The following GUCY1A2 variants were observed in gnomAD, a reference collection of about 807,000 sequenced individuals.
The protein encoded by GUCY1A2 is guanylate cyclase soluble subunit alpha-2.
Under a neutral mutation model 63.5 loss-of-function variants are expected in GUCY1A2, and 27 were observed. That is an observed-to-expected ratio of 0.43 (90% CI 0.31 to 0.59). GUCY1A2 has a LOEUF of 0.59. Among genes scored for constraint, GUCY1A2 ranks in the 20% least tolerant of loss-of-function variants. GUCY1A2 has a pLI of 0.11. For synonymous variants in GUCY1A2, 364 were observed against 343.5 expected, an observed-to-expected ratio of 1.06 and a Z score of -0.66; for missense variants, 768 against 913.3, an observed-to-expected ratio of 0.84 and a Z score of 2.05.
chr11:106,699,461 G>A (rs1403034750), intron 7 of GUCY1A2, among the ~76,000 whole-genome samples: 1 of 152,162 alleles, frequency 6.6e-6, no homozygotes, highest in African/African-American at 2.4e-5. Flanking sequence ...AAGCAGAGTT[G>A]CCAATCACAG....
intron 5 of GUCY1A2, among the ~76,000 whole-genome samples, chr11:106,797,338 G>A (rs1198083732): frequency 1.3e-5 from 2 of 151,952 alleles, no homozygotes; most frequent in Non-Finnish European, 2.9e-5. Context: ...CTTTGGAGGG[G>A]GAGAGGCGCT....
chr11:106,841,867 C>A (rs79905823), intron 4 of GUCY1A2, among the ~76,000 whole-genome samples: 4,273 of 151,876 alleles, frequency 0.028, 198 homozygotes, highest in African/African-American at 0.096. Flanking sequence ...TACTTTACTA[C>A]CTTTTTTTTC....
At chr11:106,709,169 A>G (rs1862978353) in intron 6 of GUCY1A2, among the ~76,000 whole-genome samples, 1 of 129,288 alleles carries the variant, frequency 7.7e-6, no homozygotes. Flanking sequence ...TATAATATAT[A>G]TAACTATATA....
chr11:106,804,269 GAT>G (rs1858649807), intron 5 of GUCY1A2, among the ~76,000 whole-genome samples: 1 of 152,128 alleles, frequency 6.6e-6, no homozygotes, highest in Non-Finnish European at 1.5e-5. Context: ...TGTTGATGTT[GAT>G]GGAGACTACT....
chr11:106,879,575 G>A (rs1859796378), intron 4 of GUCY1A2, among the ~76,000 whole-genome samples: 1 of 151,922 alleles, frequency 6.6e-6, no homozygotes, highest in African/African-American at 2.4e-5. Flanking sequence ...CGTCTTTCTT[G>A]TATCACTTTC....
At chr11:106,893,970 G>T (rs938989098) in intron 4 of GUCY1A2, among the ~76,000 whole-genome samples, 2 of 152,140 alleles carry the variant, frequency 1.3e-5, no homozygotes, top group African/African-American at 4.8e-5. Context: ...ATTCCCACAA[G>T]GGAAGGGGGA....
intron 4 of GUCY1A2, among the ~76,000 whole-genome samples, chr11:106,874,893 C>CA (rs1003539566): frequency 3.3e-5 from 5 of 152,168 alleles, no homozygotes; most frequent in Non-Finnish European, 7.4e-5. Context: ...CTGGATATCT[C>CA]ACATTCAATA....
At chr11:106,791,432 C>G (rs753661985) in intron 5 of GUCY1A2, among the ~76,000 whole-genome samples, 6 of 152,120 alleles carry the variant, frequency 3.9e-5, no homozygotes, top group Non-Finnish European at 8.8e-5. Context: ...AAGTTTAAAT[C>G]AGATACTGTG....
intron 3 of GUCY1A2, among the ~76,000 whole-genome samples, chr11:106,971,291 C>T (rs1465243433): frequency 6.6e-6 from 1 of 151,382 alleles, no homozygotes; most frequent in African/African-American, 2.4e-5. Flanking sequence ...ATAAAAGAAT[C>T]TAGCTGTATT....
At chr11:106,761,689 C>G (rs1005795841) in intron 6 of GUCY1A2, among the ~76,000 whole-genome samples, 38 of 152,008 alleles carry the variant, frequency 2.5e-4, no homozygotes, top group African/African-American at 8.0e-4. Context: ...CATAAACAAC[C>G]CTTGAAGCAC....
At chr11:106,901,627 A>C (rs1860134241) in intron 4 of GUCY1A2, among the ~76,000 whole-genome samples, 1 of 149,104 alleles carries the variant, frequency 6.7e-6, no homozygotes, top group Non-Finnish European at 1.5e-5. Context: ...ATATCTCCTA[A>C]ATCTTTCCCT....
chr11:106,951,954 T>G (rs1053690134), intron 3 of GUCY1A2, among the ~76,000 whole-genome samples: 2 of 152,250 alleles, frequency 1.3e-5, no homozygotes, highest in Non-Finnish European at 2.9e-5. Flanking sequence ...TTTCTGCATA[T>G]GGCTAGCCAG....
intron 4 of GUCY1A2, among the ~76,000 whole-genome samples, chr11:106,867,917 T>C (rs962656788): frequency 6.6e-6 from 1 of 152,028 alleles, no homozygotes; most frequent in Admixed American, 6.6e-5. Flanking sequence ...GGAATGACAT[T>C]TGTTCCAAAT....
intron 6 of GUCY1A2, among the ~76,000 whole-genome samples, chr11:106,722,514 G>C (rs1489540179): frequency 6.6e-6 from 1 of 151,816 alleles, no homozygotes; most frequent in African/African-American, 2.4e-5. Flanking sequence ...AGTGCCCTTA[G>C]TACAAAATAA....
intron 4 of GUCY1A2, among the ~76,000 whole-genome samples, chr11:106,868,895 G>T (rs1182057795): frequency 6.6e-6 from 1 of 152,126 alleles, no homozygotes; most frequent in African/African-American, 2.4e-5. Context: ...CATGGTACTG[G>T]TACCAAAACA....
At chr11:106,830,715 T>C (rs940369269) in intron 4 of GUCY1A2, among the ~76,000 whole-genome samples, 3 of 152,208 alleles carry the variant, frequency 2.0e-5, no homozygotes, top group East Asian at 1.9e-4. Flanking sequence ...CCTCACCTTA[T>C]GATTGTGTGA....
chr11:106,759,013 G>A (rs1864020001), intron 6 of GUCY1A2, among the ~76,000 whole-genome samples: 2 of 152,084 alleles, frequency 1.3e-5, no homozygotes, highest in Admixed American at 6.6e-5. Context: ...TTTGGAGTAA[G>A]AGTAGCAAAG....
chr11:106,951,785 G>A (rs1315984646), intron 3 of GUCY1A2, among the ~76,000 whole-genome samples: 1 of 152,104 alleles, frequency 6.6e-6, no homozygotes, highest in Non-Finnish European at 1.5e-5. Context: ...AATTGCTTTT[G>A]GTGTTTTTGT....
chr11:106,989,626 G>A (rs1035540137), intron 1 of GUCY1A2, among the ~76,000 whole-genome samples: 4 of 152,098 alleles, frequency 2.6e-5, no homozygotes. Context: ...TCCCACAGGT[G>A]TAATGTTTCA....
Sources: gnomAD v4.1 joint callset for allele counts (sites outside exome capture counted in the v4.1 genomes callset) on GRCh38, gnomAD v4.1.1 for gene constraint, MANE v1.5 for transcripts, NCBI Gene and HGNC (gene_info 2026-07-23, HGNC 2026-07-21) for gene names.